Variants in INO80 observed in about 807,000 individuals in gnomAD.
INO80 encodes the protein INO80 complex ATPase subunit.
A neutral mutation model predicts 203.4 loss-of-function variants in INO80; 20 were observed. The ratio of observed to expected loss-of-function variants is 0.10; its 90% confidence interval spans 0.07 to 0.14. The LOEUF (loss-of-function observed/expected upper bound fraction) is 0.14, where lower values mean the gene tolerates loss of function less well. Among genes scored for constraint, INO80 ranks in the 10% least tolerant of loss-of-function variants. The probability of loss-of-function intolerance (pLI) is 1.00; values close to 1 mark genes in which losing one functional copy is unlikely to be tolerated. For missense variants in INO80, 1,419 were observed against 1,914.4 expected, an observed-to-expected ratio of 0.74 and a Z score of 4.83; for synonymous variants, 726 against 685.2, an observed-to-expected ratio of 1.06 and a Z score of -0.93.
intron 24 of INO80, among the ~76,000 whole-genome samples, chr15:41,033,611 C>G (rs1401638421): frequency 6.6e-6 from 1 of 152,172 alleles, no homozygotes; most frequent in African/African-American, 2.4e-5. Context: ...CCCAAATCTA[C>G]TCATTCCTGA....
chr15:41,110,020 G>A (rs1240554533), intron 1 of INO80, among the ~76,000 whole-genome samples: 3 of 151,096 alleles, frequency 2.0e-5, no homozygotes, highest in Non-Finnish European at 2.9e-5. Context: ...GCTTGAGCCC[G>A]GGAGGCAGAG....
At chr15:40,993,047 G>C (rs1014784198) in intron 29 of INO80, among the ~76,000 whole-genome samples, 2 of 152,064 alleles carry the variant, frequency 1.3e-5, no homozygotes, top group African/African-American at 4.8e-5. Flanking sequence ...CACCCACATC[G>C]GCCTCCCAAA....
intron 30 of INO80, 99 bp from the exon 31 acceptor site, chr15:40,987,292 G>T: frequency 1.5e-6 from 1 of 661,944 alleles, no homozygotes; most frequent in East Asian, 2.7e-5. Context: ...ACTCCTCAGG[G>T]GAGGCCTCTG....
At chr15:41,014,869 T>C (rs1017085548) in intron 27 of INO80, among the ~76,000 whole-genome samples, 10 of 152,220 alleles carry the variant, frequency 6.6e-5, no homozygotes, top group African/African-American at 2.2e-4. Flanking sequence ...ATGGTCCCTA[T>C]TGCTTTATTC....
intron 24 of INO80, among the ~76,000 whole-genome samples, chr15:41,031,316 G>A (rs1437832907): frequency 1.3e-5 from 2 of 151,160 alleles, no homozygotes; most frequent in Non-Finnish European, 2.9e-5. Context: ...AGAATACAAA[G>A]AATACCTTAA....
intron 13 of INO80, 92 bp downstream of exon 13, chr15:41,070,375 C>G (rs2045290926): frequency 1.8e-6 from 2 of 1,099,144 alleles, no homozygotes; most frequent in Admixed American, 1.9e-5. Flanking sequence ...GAATGCTACA[C>G]AGCTTAACAT....
At chr15:41,082,617 T>A (rs989322359) in intron 7 of INO80, among the ~76,000 whole-genome samples, 1 of 152,026 alleles carries the variant, frequency 6.6e-6, no homozygotes, top group Middle Eastern at 3.4e-3. Flanking sequence ...CTCAGGAGAA[T>A]TGCTTGAACC....
chr15:41,097,004 A>T (rs2045735325), intron 1 of INO80, among the ~76,000 whole-genome samples: 1 of 152,176 alleles, frequency 6.6e-6, no homozygotes, highest in Non-Finnish European at 1.5e-5. Flanking sequence ...ATTGTTAAAG[A>T]CAACATTAGG....
At chr15:41,011,512 G>A (rs578097518) in intron 27 of INO80, 1 of 151,938 alleles carries the variant, frequency 6.6e-6, no homozygotes, top group Admixed American at 6.5e-5. Flanking sequence ...GTTGTAAGCT[G>A]ACAAATTTCC....
chr15:40,984,446 CTTTAG>C, intron 32 of INO80, 94 bp from the exon 33 acceptor site: 1 of 1,196,682 alleles, frequency 8.4e-7, no homozygotes, highest in South Asian at 1.5e-5. Flanking sequence ...AACTTTTATT[CTTTAG>C]TTTATAAACT....
chr15:41,027,481 G>A (rs2044392609), intron 25 of INO80, 115 bp downstream of exon 25: 2 of 888,832 alleles, frequency 2.3e-6, no homozygotes, highest in Admixed American at 3.2e-5. Context: ...GAATTTATAT[G>A]TTTCTTAAAG....
chr15:41,015,264 T>C (rs1317314626), intron 27 of INO80, among the ~76,000 whole-genome samples: 1 of 152,202 alleles, frequency 6.6e-6, no homozygotes, highest in African/African-American at 2.4e-5. Flanking sequence ...CCAGGACCTT[T>C]TAAATATCCT....
intron 32 of INO80, among the ~76,000 whole-genome samples, chr15:40,984,842 GTTTTTAAGACAAA>G (rs1006512487): frequency 5.9e-5 from 9 of 152,150 alleles, no homozygotes; most frequent in East Asian, 1.9e-4. Context: ...CTACATATCT[GTTTTTAAGACAAA>G]TTTTTAAGAC....
intron 34 of INO80, 98 bp downstream of exon 34, chr15:40,983,664 A>G: frequency 9.6e-7 from 1 of 1,046,686 alleles, no homozygotes; most frequent in South Asian, 1.7e-5. Context: ...GAAAGAATAA[A>G]AATACCATTA....
intron 22 of INO80, among the ~76,000 whole-genome samples, chr15:41,047,733 C>T (rs183560132): frequency 1.3e-5 from 2 of 152,268 alleles, no homozygotes; most frequent in East Asian, 1.9e-4. Context: ...GAGATGGCTC[C>T]TACATTACCT....
At chr15:41,056,569 G>A in intron 17 of INO80, 53 bp downstream of exon 17, 1 of 1,310,814 alleles carries the variant, frequency 7.6e-7, no homozygotes, top group Non-Finnish European at 1.1e-6. Context: ...ATGCTCTGCT[G>A]GAATCCTTCT....
intron 1 of INO80, among the ~76,000 whole-genome samples, chr15:41,112,377 C>T (rs987885259): frequency 6.6e-6 from 1 of 152,182 alleles, no homozygotes; most frequent in African/African-American, 2.4e-5. Flanking sequence ...TATAAAGTAT[C>T]TACCATACTC....
intron 25 of INO80, among the ~76,000 whole-genome samples, chr15:41,025,832 G>A (rs764670166): frequency 1.3e-5 from 2 of 152,122 alleles, no homozygotes; most frequent in African/African-American, 4.8e-5. Context: ...AGGTCTCTTG[G>A]TATACACCTA....
chr15:41,083,835 G>A (rs904109905), intron 7 of INO80, among the ~76,000 whole-genome samples: 1 of 151,876 alleles, frequency 6.6e-6, no homozygotes, highest in African/African-American at 2.4e-5. Flanking sequence ...TTGCTACCCA[G>A]TTGTCTCGGC....
Sources: allele counts gnomAD v4.1 joint callset (sites outside exome capture counted in the v4.1 genomes callset), GRCh38; gene constraint gnomAD v4.1.1; transcripts MANE v1.5; gene names NCBI Gene and HGNC (gene_info 2026-07-23, HGNC 2026-07-21).